CHST11: variants seen among roughly 807,000 people sequenced by gnomAD.
CHST11 encodes carbohydrate sulfotransferase 11.
A neutral mutation model predicts 30.4 loss-of-function variants in CHST11; 9 were observed. The observed-to-expected ratio is 0.30, with a 90% CI of 0.18 to 0.52. The LOEUF is 0.52. CHST11 is among the 20% of genes least tolerant of loss of function. The pLI, the probability that CHST11 is intolerant of heterozygous loss-of-function variation, is 0.97. For synonymous variants in CHST11, 152 were observed against 187.8 expected, an observed-to-expected ratio of 0.81 and a Z score of 1.56; for missense variants, 348 against 460.6, an observed-to-expected ratio of 0.76 and a Z score of 2.24.
intron 2 of CHST11, among the ~76,000 whole-genome samples, chr12:104,649,596 A>G (rs1007202590): frequency 6.6e-6 from 1 of 152,212 alleles, no homozygotes; most frequent in Admixed American, 6.5e-5. Context: ...AGGCGAACCA[A>G]TGTGGTTTCT....
intron 2 of CHST11, among the ~76,000 whole-genome samples, chr12:104,618,535 A>C (rs2039131254): frequency 6.6e-6 from 1 of 152,088 alleles, no homozygotes; most frequent in Non-Finnish European, 1.5e-5. Flanking sequence ...GCACCTAGCC[A>C]AGTATTTTTT....
At chr12:104,660,254 G>A (rs2039586277) in intron 2 of CHST11, among the ~76,000 whole-genome samples, 1 of 152,152 alleles carries the variant, frequency 6.6e-6, no homozygotes, top group Non-Finnish European at 1.5e-5. Context: ...AAGGTCTCCT[G>A]GGTACCACGC....
intron 2 of CHST11, among the ~76,000 whole-genome samples, chr12:104,752,268 CGTGTCTCT>C (rs1225153860): frequency 6.6e-6 from 1 of 152,178 alleles, no homozygotes; most frequent in Non-Finnish European, 1.5e-5. Flanking sequence ...ATTCTCCCTG[CGTGTCTCT>C]GTGTCTCTGC....
chr12:104,478,700 AT>A (rs938913039), intron 1 of CHST11, among the ~76,000 whole-genome samples: 1 of 152,200 alleles, frequency 6.6e-6, no homozygotes, highest in African/African-American at 2.4e-5. Context: ...GAAAGCAATT[AT>A]CAGAAATGTT....
intron 1 of CHST11, among the ~76,000 whole-genome samples, chr12:104,465,907 C>T (rs1207336341): frequency 2.0e-5 from 3 of 151,484 alleles, no homozygotes; most frequent in East Asian, 1.9e-4. Context: ...CTCACTCTGT[C>T]GCCCAGGCTG....
At chr12:104,506,389 T>C (rs2037904644) in intron 1 of CHST11, among the ~76,000 whole-genome samples, 1 of 152,184 alleles carries the variant, frequency 6.6e-6, no homozygotes, top group Non-Finnish European at 1.5e-5. Context: ...CAAAATAGTA[T>C]CTGCTTCTAG....
chr12:104,730,100 T>TA (rs2040245362), intron 2 of CHST11, among the ~76,000 whole-genome samples: 1 of 152,158 alleles, frequency 6.6e-6, no homozygotes, highest in South Asian at 2.1e-4. Flanking sequence ...GGGGCCTCCG[T>TA]CTAGGGCCTT....
chr12:104,482,350 C>CT (rs2037633351), intron 1 of CHST11, among the ~76,000 whole-genome samples: 1 of 89,608 alleles, frequency 1.1e-5, no homozygotes, highest in East Asian at 2.6e-4. Flanking sequence ...GGGAGCCCCC[C>CT]CCCGCAAAAA....
chr12:104,548,972 A>G (rs2038378882), intron 1 of CHST11, among the ~76,000 whole-genome samples: 1 of 152,246 alleles, frequency 6.6e-6, no homozygotes, highest in African/African-American at 2.4e-5. Flanking sequence ...TTCTGTGGAT[A>G]CCACTCCAAA....
intron 2 of CHST11, among the ~76,000 whole-genome samples, chr12:104,677,841 C>A (rs1222258480): frequency 6.6e-6 from 1 of 152,220 alleles, no homozygotes; most frequent in Admixed American, 6.5e-5. Context: ...CCTCATATCA[C>A]CCTGTCCCTC....
intron 2 of CHST11, among the ~76,000 whole-genome samples, chr12:104,711,951 G>T (rs761761227): frequency 6.6e-6 from 1 of 152,134 alleles, no homozygotes; most frequent in Non-Finnish European, 1.5e-5. Flanking sequence ...TGGGAGGGAC[G>T]GGACAGGCAG....
intron 2 of CHST11, among the ~76,000 whole-genome samples, chr12:104,699,259 G>A (rs981886530): frequency 7.2e-5 from 11 of 152,304 alleles, no homozygotes; most frequent in African/African-American, 2.2e-4. Flanking sequence ...GGTAGCTCAC[G>A]TGTGGTGACT....
rs141147183 is a variant in CHST11 at position 104,701,196 on chromosome 12, CCTG to C, written c.205-55747_205-55745del. 6.5e-3 allele frequency among the ~76,000 whole-genome samples: 996 copies of C among 152,236 alleles called. 5 individuals are homozygous for C. Among genetic ancestry groups the C allele is most frequent in the African/African-American group, 0.023 (964 of 41,526 alleles). On this transcript the variant is annotated intron_variant, in intron 2 of 2. Transcript: ENST00000303694. ...GAGTAACCGGGCCAAAGTTAACTAA[CCTG>C]CTGCTAAGTGGCCAAACTGAATCCA...
At chr12:104,463,939 C>A (rs1396708376) in intron 1 of CHST11, among the ~76,000 whole-genome samples, 1 of 151,998 alleles carries the variant, frequency 6.6e-6, no homozygotes, top group African/African-American at 2.4e-5. Context: ...TTGTTTTGAG[C>A]CTTGGGTTTA....
rs537133192 is a variant in CHST11 at position 104,675,930 on chromosome 12, CGTGTGCT to C, written c.204+73943_204+73949del. On this transcript the variant is annotated intron_variant, in intron 2 of 2. Transcript: ENST00000303694. ...GAAGGTGGGGGCTTACTCAGGGTCA[CGTGTGCT>C]GTGGTCAGGAGGTGTAGGCTAAAAT... 5.3e-3 allele frequency among the ~76,000 whole-genome samples: 812 copies of C among 152,262 alleles called. 5 individuals carry two copies. The highest frequency in any genetic ancestry group is 0.018 in the African/African-American group (751 of 41,544).
At chr12:104,614,782 C>T (rs1046109125) in intron 2 of CHST11, among the ~76,000 whole-genome samples, 1 of 151,854 alleles carries the variant, frequency 6.6e-6, no homozygotes, top group Non-Finnish European at 1.5e-5. Flanking sequence ...CAAGTGACTC[C>T]ACCCTCCCTT....
chr12:104,536,445 A>G (rs1054161221), intron 1 of CHST11, among the ~76,000 whole-genome samples: 6 of 152,240 alleles, frequency 3.9e-5, no homozygotes, highest in Non-Finnish European at 1.5e-5. Flanking sequence ...TTAGCAGTGC[A>G]GAATCTCAGG....
At position 104,757,785 on chromosome 12, in the gene CHST11, C is replaced by T; in HGVS notation, c.1041C>T (p.Ser347=). Residue 347 remains serine (S), a synonymous_variant, in exon 3 of 3, where the codon AGC becomes AGT. Coordinates refer to ENST00000303694, the MANE Select transcript of CHST11 (RefSeq NM_018413.6). This position sits in a 1 kb window ranked among gnomAD's most constrained non-coding sequence, Gnocchi z 6.5. The part of the protein sequence containing the change: ...DFLMFNYSVP[S]YLKLE ...TAATGTTCAATTACTCAGTGCCAAG[C>T]TACCTGAAATTGGAATAAAGGGGGT... 1 of 1,611,968 alleles carries T rather than the reference C, an allele frequency of 6.2e-7. No homozygotes were observed. Among genetic ancestry groups the T allele is most frequent in the Non-Finnish European group, 8.5e-7 (1 of 1,178,168 alleles).
rs1380809573 is a variant in CHST11, at chr12:104,664,034, A to G, written c.204+62043A>G. 5.3e-5 allele frequency among the ~76,000 whole-genome samples: 8 copies of G among 152,320 alleles called. No individual in the cohort carries two copies. The East Asian group carries it at 1.5e-3, about 29-fold the overall frequency. On this transcript the variant is annotated intron_variant, in intron 2 of 2. Transcript: ENST00000303694. ...CCCTGGACATGAGATAGGGACCTCC[A>G]TCTTATTTCTTCACTATGGAGTTGA...
Sources: allele counts gnomAD v4.1 joint callset (sites outside exome capture counted in the v4.1 genomes callset), GRCh38; gene constraint gnomAD v4.1.1; non-coding constraint Gnocchi (gnomAD v3.1); transcripts MANE v1.5; gene names NCBI Gene and HGNC (gene_info 2026-07-23, HGNC 2026-07-21).